Variants in SLC27A2 observed in about 807,000 individuals in gnomAD.
SLC27A2 encodes solute carrier family 27 member 2, also known as long-chain fatty acid transport protein 2.
SLC27A2 carries 54 observed loss-of-function variants against 60.0 expected under a neutral mutation model. That is an observed-to-expected ratio of 0.90 (90% confidence interval 0.72 to 1.13). SLC27A2 has a LOEUF of 1.13. Among genes scored for constraint, SLC27A2 ranks in the 50% most tolerant of loss-of-function variants. The pLI, the probability that SLC27A2 is intolerant of heterozygous loss-of-function variation, is 0.00. For synonymous variants in SLC27A2, 297 were observed against 297.6 expected, an observed-to-expected ratio of 1.00 and a Z score of 0.02; for missense variants, 739 against 777.6, an observed-to-expected ratio of 0.95 and a Z score of 0.59.
chr15:50,217,554 C>T (rs572173131), intron 4 of SLC27A2, among the ~76,000 whole-genome samples: 5 of 152,172 alleles, frequency 3.3e-5, no homozygotes, highest in African/African-American at 9.6e-5. Context: ...TAAACTTTCC[C>T]GGAAAAGACA....
chr15:50,190,246 T>C (rs898846483), intron 1 of SLC27A2, among the ~76,000 whole-genome samples: 2 of 152,368 alleles, frequency 1.3e-5, no homozygotes, highest in South Asian at 4.1e-4. Flanking sequence ...GACTATGTTA[T>C]TAATAGCACC....
chr15:50,182,924 C>T lies in SLC27A2; in HGVS notation c.478+19C>T, dbSNP rs1239771151. On this transcript the variant is annotated intron_variant, in intron 1 of 9. Transcript: ENST00000267842. ...TCGCCAGGTGAGCCCCGAGGATCGC[C>T]CTGCCCTGGCACCAGGGCTTCTCGG... 2 of 1,583,260 alleles carry T rather than the reference C, an allele frequency of 1.3e-6. No individual in the cohort carries two copies. Among genetic ancestry groups the T allele is most frequent in the Middle Eastern group, 1.7e-4 (1 of 5,886 alleles).
chr15:50,215,175 A>T (rs1340786637), intron 4 of SLC27A2, among the ~76,000 whole-genome samples: 1 of 152,142 alleles, frequency 6.6e-6, no homozygotes, highest in Non-Finnish European at 1.5e-5. Context: ...ACCAACAGCG[A>T]CCAAGCAAAG....
intron 1 of SLC27A2, among the ~76,000 whole-genome samples, chr15:50,187,079 A>T (rs1446653595): frequency 6.6e-6 from 1 of 152,230 alleles, no homozygotes. Flanking sequence ...TATAACACTT[A>T]ACAGGACTCA....
chr15:50,206,888 T>C (rs1285813061), intron 4 of SLC27A2, among the ~76,000 whole-genome samples: 1 of 152,224 alleles, frequency 6.6e-6, no homozygotes, highest in Non-Finnish European at 1.5e-5. Context: ...TATTCTGATT[T>C]TTTGGCATAT....
chr15:50,236,257 A>T lies in SLC27A2; in HGVS notation c.*161A>T. The T allele has an allele frequency of 2.0e-6, 1 of 506,814 alleles. No homozygotes were observed. The highest frequency in any genetic ancestry group is 3.4e-6 in the Non-Finnish European group (1 of 297,374). 31.4% of individuals were successfully genotyped at this position (506,814 alleles called of 1,614,324 possible). ...TTTTAAATAACAGTTGAGTCTTTGCAAGTAAAAAGATTTAGAGATTATTAT... is the reference window on the plus strand; with the variant it reads ...TTTTAAATAACAGTTGAGTCTTTGCTAGTAAAAAGATTTAGAGATTATTAT... On this transcript the variant is annotated 3_prime_UTR_variant, in exon 10 of 10. Transcript: ENST00000267842.
chr15:50,235,348 A>G lies in SLC27A2; in HGVS notation c.1687-572A>G, dbSNP rs569030726. Reference sequence around the variant, plus strand: ...ACTGAGAAAACAGAGTTGTCTGTAAATGATCCCTCCTTCTAATCCCACCAT... The same window carrying G: ...ACTGAGAAAACAGAGTTGTCTGTAAGTGATCCCTCCTTCTAATCCCACCAT... On this transcript the variant is annotated intron_variant, in intron 9 of 9. Coordinates refer to ENST00000267842, the MANE Select transcript of SLC27A2 (RefSeq NM_003645.4). Among the ~76,000 whole-genome samples, 49 of 152,322 alleles carry G rather than the reference A, an allele frequency of 3.2e-4. 1 individual carries two copies. Among genetic ancestry groups the G allele is most frequent in the African/African-American group, 1.2e-3 (49 of 41,576 alleles).
intron 1 of SLC27A2, among the ~76,000 whole-genome samples, chr15:50,193,022 C>T (rs2140897123): frequency 6.6e-6 from 1 of 152,272 alleles, no homozygotes; most frequent in South Asian, 2.1e-4. Context: ...CTCCCTACCT[C>T]TTCTCCCAAC....
At chr15:50,233,325 T>C (rs1199371424) in intron 8 of SLC27A2, among the ~76,000 whole-genome samples, 2 of 152,164 alleles carry the variant, frequency 1.3e-5, no homozygotes. Flanking sequence ...CAACCCAAGC[T>C]CAGTAAGTCA....
At chr15:50,203,577 G>A (rs1369037426) in intron 3 of SLC27A2, among the ~76,000 whole-genome samples, 1 of 151,892 alleles carries the variant, frequency 6.6e-6, no homozygotes, top group Admixed American at 6.6e-5. Context: ...TCTCTCATGT[G>A]GCATTTCATT....
chr15:50,197,516 C>T lies in SLC27A2; in HGVS notation c.495C>T (p.Val165=), dbSNP rs772026634. 33 of 1,613,200 alleles carry T rather than the reference C, an allele frequency of 2.0e-5. No homozygotes were observed. The highest frequency in any genetic ancestry group is 2.2e-5 in the East Asian group (1 of 44,868). Residue 165 remains valine (V), a synonymous_variant, in exon 2 of 10, where the codon GTC becomes GTT. Coordinates refer to ENST00000267842, the MANE Select transcript of SLC27A2 (RefSeq NM_003645.4). ...TAAATTAAGAACTACAAGCAGCTGTCGAAGAGATACTGCCAAGCCTTAAAA... is the reference window on the plus strand; with the variant it reads ...TAAATTAAGAACTACAAGCAGCTGTTGAAGAGATACTGCCAAGCCTTAAAA... The part of the protein sequence containing the change: ...LLVSPELQAA[V]EEILPSLKKD...
In SLC27A2 at chr15:50,189,665, T is replaced by C. The variant is rs571335815; in HGVS notation, c.478+6760T>C. ...AGGGACTGAAGAGGTAAAAACAAAC[T>C]CTGAATCAGGTGTTGTTATTGAATC... On this transcript the variant is annotated intron_variant, in intron 1 of 9. Coordinates refer to ENST00000267842, the MANE Select transcript of SLC27A2 (RefSeq NM_003645.4). Among the ~76,000 whole-genome samples, 7 of 152,258 alleles carry C rather than the reference T, an allele frequency of 4.6e-5. No individual in the cohort carries two copies. In the East Asian group the frequency reaches 1.3e-3, roughly 29 times the overall value.
At chr15:50,213,686 T>C (rs982433712) in intron 4 of SLC27A2, among the ~76,000 whole-genome samples, 1 of 151,988 alleles carries the variant, frequency 6.6e-6, no homozygotes, top group Non-Finnish European at 1.5e-5. Context: ...TACAGGGAAA[T>C]TAAATAACCT....
chr15:50,226,103 A>AT, intron 6 of SLC27A2, 25 bp downstream of exon 6: 1 of 1,392,446 alleles, frequency 7.2e-7, no homozygotes, highest in Non-Finnish European at 1.0e-6. Flanking sequence ...TGTTCAATCA[A>AT]CCTGTGCCCC....
chr15:50,187,107 A>G (rs2140894097), intron 1 of SLC27A2, among the ~76,000 whole-genome samples: 1 of 152,364 alleles, frequency 6.6e-6, no homozygotes, highest in Non-Finnish European at 1.5e-5. Flanking sequence ...CAGGAATTTC[A>G]GTACTCAATT....
chr15:50,235,012 T>C (rs939091160), intron 9 of SLC27A2, among the ~76,000 whole-genome samples: 4 of 152,196 alleles, frequency 2.6e-5, no homozygotes, highest in African/African-American at 7.2e-5. Flanking sequence ...CCAGCTGGAA[T>C]TGCCTAAGAC....
At chr15:50,218,158 A>G (rs1212341665) in intron 4 of SLC27A2, among the ~76,000 whole-genome samples, 1 of 152,060 alleles carries the variant, frequency 6.6e-6, no homozygotes. Flanking sequence ...TCCATAAAAC[A>G]AGAATAGTGT....
intron 1 of SLC27A2, among the ~76,000 whole-genome samples, chr15:50,194,658 A>C (rs573419166): frequency 2.8e-4 from 42 of 152,292 alleles, no homozygotes; most frequent in African/African-American, 1.0e-3. Flanking sequence ...CTATAGCAAT[A>C]ATCTAGGTAG....
intron 9 of SLC27A2, among the ~76,000 whole-genome samples, chr15:50,235,082 TTAA>T (rs2140917044): frequency 6.6e-6 from 1 of 152,302 alleles, no homozygotes; most frequent in South Asian, 2.1e-4. Context: ...TTTGGTTGGT[TTAA>T]TACTCTCACT....
Sources: gnomAD v4.1 joint callset for allele counts (sites outside exome capture counted in the v4.1 genomes callset) on GRCh38, gnomAD v4.1.1 for gene constraint, MANE v1.5 for transcripts, NCBI Gene and HGNC (gene_info 2026-07-23, HGNC 2026-07-21) for gene names.